Variants in SCN9A observed in about 807,000 individuals in gnomAD.
SCN9A encodes the protein sodium voltage-gated channel alpha subunit 9.
A neutral mutation model predicts 187.0 loss-of-function variants in SCN9A; 131 were observed. The observed-to-expected ratio is 0.70, with a 90% CI of 0.61 to 0.81. SCN9A has a LOEUF of 0.81. Ranked by LOEUF, SCN9A falls within the 30% of genes least tolerant of loss-of-function variation. The pLI is 0.00. For synonymous variants in SCN9A, 809 were observed against 808.6 expected, an observed-to-expected ratio of 1.00 and a Z score of -0.01; for missense variants, 2,252 against 2,396.6, an observed-to-expected ratio of 0.94 and a Z score of 1.26.
At chr2:166,327,890 T>A (rs555955176) in intron 1 of SCN9A, among the ~76,000 whole-genome samples, 112 of 152,318 alleles carry the variant, frequency 7.4e-4, no homozygotes, top group African/African-American at 2.3e-3. Flanking sequence ...CCTTCACATC[T>A]CATTGATACT....
At position 166,293,391 on chromosome 2, in the gene SCN9A, A is replaced by G; in HGVS notation, c.966-19T>C. On this transcript the variant is annotated intron_variant, in intron 8 of 26. Transcript: ENST00000642356. ...ACACTGACTACACACGAGAAAGAAC[A>G]TTATAGGTGAGAGTGTCTTCAGGAC... The G allele has an allele frequency of 6.3e-7, 1 of 1,581,016 alleles. No individual in the cohort carries two copies. The highest frequency in any genetic ancestry group is 2.3e-5 in the East Asian group (1 of 44,304).
chr2:166,212,522 G>T (rs1321685729), intron 24 of SCN9A, among the ~76,000 whole-genome samples: 1 of 152,150 alleles, frequency 6.6e-6, no homozygotes, highest in Non-Finnish European at 1.5e-5. Flanking sequence ...GGATAAACAT[G>T]CAGCAACACC....
chr2:166,246,198 A>G (rs1029643392), intron 18 of SCN9A, among the ~76,000 whole-genome samples: 5 of 151,924 alleles, frequency 3.3e-5, no homozygotes, highest in African/African-American at 1.2e-4. Flanking sequence ...TAGGTCATTT[A>G]TAGTTGATTT....
At chr2:166,212,081 C>T (rs1381231216) in intron 24 of SCN9A, among the ~76,000 whole-genome samples, 1 of 152,182 alleles carries the variant, frequency 6.6e-6, no homozygotes, top group Non-Finnish European at 1.5e-5. Context: ...AAAAAAGATA[C>T]ATTTTGTAGA....
At chr2:166,236,819 C>T (rs1695338749) in intron 20 of SCN9A, among the ~76,000 whole-genome samples, 2 of 152,176 alleles carry the variant, frequency 1.3e-5, no homozygotes, top group South Asian at 2.1e-4. Flanking sequence ...TCAGATTTTA[C>T]TATGTATGAT....
At chr2:166,242,446 C>A (rs1408894428) in intron 19 of SCN9A, 56 bp downstream of exon 19, 3 of 1,353,486 alleles carry the variant, frequency 2.2e-6, no homozygotes, top group Non-Finnish European at 3.0e-6. Context: ...TCTTTTAGCT[C>A]ATTTTAAAGA....
chr2:166,280,721 G>T (rs987589487), intron 13 of SCN9A, 126 bp from the exon 14 acceptor site: 1 of 631,144 alleles, frequency 1.6e-6, no homozygotes, highest in Non-Finnish European at 2.8e-6. Flanking sequence ...AAATTTAACA[G>T]TACTATTTCA....
At position 166,307,037 on chromosome 2, in the gene SCN9A, C is replaced by T. The variant is rs1292303985; in HGVS notation, c.296G>A (p.Arg99His). Residue 99 changes from arginine (R) to histidine (H), a missense_variant, in exon 3 of 27, where the codon CGT becomes CAT. Physicochemically the swap from Arg to His is conservative, Grantham distance 29. Transcript: ENST00000642356. ...ATATAAAGCAGGTGTGGCATTGAAA[C>T]GGAAGATTGTTTTCCCTTTGTTCAA... ...IVLNKGKTIF[R>H]FNATPALYML... is the part of the protein sequence containing the mutation. 6 of 1,611,246 alleles carry T rather than the reference C, an allele frequency of 3.7e-6. No individual in the cohort carries two copies. The highest frequency in any genetic ancestry group is 2.2e-5 in the East Asian group (1 of 44,770).
At chr2:166,214,765 C>T (rs984895522) in intron 24 of SCN9A, among the ~76,000 whole-genome samples, 17 of 151,612 alleles carry the variant, frequency 1.1e-4, no homozygotes, top group South Asian at 6.3e-4. Flanking sequence ...CCGCCCGCCT[C>T]GGCCTCCCAA....
In SCN9A at chr2:166,280,423, T is replaced by C. The variant is rs201650761; in HGVS notation, c.2277A>G (p.Leu759=). 7.3e-5 allele frequency: 116 copies of C among 1,592,126 alleles called. No homozygotes were observed. Among genetic ancestry groups the C allele is most frequent in the Non-Finnish European group, 9.7e-5 (113 of 1,167,828 alleles). Residue 759 remains leucine (L), a synonymous_variant, in exon 14 of 27, where the codon TTA becomes TTG. Coordinates refer to ENST00000642356, the MANE Select transcript of SCN9A (RefSeq NM_001365536.1). ...TTGGGTGGTGTTCCATAGCCATAAA[T>C]AATGTGTTTAAAACTATGCAAATGG... is the stretch of plus-strand genomic sequence containing the variant. ...AITICIVLNT[L]FMAMEHHPMT...
At chr2:166,249,188 T>C (rs1695927501) in intron 18 of SCN9A, among the ~76,000 whole-genome samples, 2 of 152,100 alleles carry the variant, frequency 1.3e-5, no homozygotes, top group South Asian at 4.1e-4. Flanking sequence ...CTCTGACCAA[T>C]CATTCATTGA....
At chr2:166,291,213 A>G (rs1698052456) in intron 9 of SCN9A, among the ~76,000 whole-genome samples, 1 of 152,210 alleles carries the variant, frequency 6.6e-6, no homozygotes, top group African/African-American at 2.4e-5. Flanking sequence ...TAAACTGATA[A>G]GCAACTTCAG....
At position 166,306,490 on chromosome 2, in the gene SCN9A, A is replaced by G; in HGVS notation, c.467+20T>C. 7.7e-7 allele frequency: 1 copy of G among 1,290,356 alleles called. No individual in the cohort carries two copies. The highest frequency in any genetic ancestry group is 1.1e-6 in the Non-Finnish European group (1 of 906,296). 79.9% of individuals were successfully genotyped at this position (1,290,356 alleles called of 1,614,324 possible). A position where few individuals can be genotyped will look rare whatever the true frequency, so the allele number is the denominator to read the frequency against. On this transcript the variant is annotated intron_variant, in intron 4 of 26. Coordinates refer to ENST00000642356, the MANE Select transcript of SCN9A (RefSeq NM_001365536.1). ...ATGATAATACCAAAACTATATTAAA[A>G]TGTACTTATACCCACTTACTCGACA... is the stretch of plus-strand genomic sequence containing the variant.
chr2:166,342,630 A>G (rs946987882), intron 1 of SCN9A, among the ~76,000 whole-genome samples: 1 of 152,172 alleles, frequency 6.6e-6, no homozygotes, highest in Non-Finnish European at 1.5e-5. Context: ...ATAATAAAAG[A>G]TCTCCCAATA....
At chr2:166,311,329 C>CATA (rs1559034298) in intron 2 of SCN9A, among the ~76,000 whole-genome samples, 170 bp downstream of exon 2, 1 of 47,904 alleles carries the variant, frequency 2.1e-5, no homozygotes, top group Admixed American at 3.3e-4. Flanking sequence ...TTCTGAATAT[C>CATA]CTATATATAT....
rs1438476511 is a variant in SCN9A at position 166,197,646 on chromosome 2, T to C, written c.*1026A>G. 1 of 152,168 alleles carries C rather than the reference T, an allele frequency of 6.6e-6. No homozygotes were observed. Among genetic ancestry groups the C allele is most frequent in the East Asian group, 1.9e-4 (1 of 5,200 alleles). 9.4% of individuals were successfully genotyped at this position (152,168 alleles called of 1,614,324 possible). On this transcript the variant is annotated 3_prime_UTR_variant, in exon 27 of 27. Transcript: ENST00000642356. ...ATACTGTGCCCAAGTTATTATCTGC[T>C]CAAGTATGTACCGTGGTCAAACAAC...
At chr2:166,286,104 A>T (rs1292030720) in intron 11 of SCN9A, among the ~76,000 whole-genome samples, 2 of 152,174 alleles carry the variant, frequency 1.3e-5, no homozygotes, top group Non-Finnish European at 2.9e-5. Context: ...AAATTAGTTT[A>T]TTAGAGAATA....
intron 18 of SCN9A, among the ~76,000 whole-genome samples, chr2:166,247,370 TAA>T (rs1695841634): frequency 6.6e-6 from 1 of 151,758 alleles, no homozygotes; most frequent in Admixed American, 6.6e-5. Flanking sequence ...AAAGAAAAAA[TAA>T]AAGTCACAAA....
chr2:166,290,032 C>T (rs975637546), intron 9 of SCN9A, among the ~76,000 whole-genome samples: 2 of 152,148 alleles, frequency 1.3e-5, no homozygotes, highest in African/African-American at 2.4e-5. Context: ...GACCTGCATG[C>T]ATTAGGTAGT....
Sources: gnomAD v4.1 joint callset for allele counts (sites outside exome capture counted in the v4.1 genomes callset) on GRCh38, gnomAD v4.1.1 for gene constraint, MANE v1.5 for transcripts, NCBI Gene and HGNC (gene_info 2026-07-23, HGNC 2026-07-21) for gene names.